Variants in RAB5B observed in about 807,000 individuals in gnomAD.
The protein encoded by RAB5B is RAB5B, member RAS oncogene family, also known as ras-related protein Rab-5B.
A neutral mutation model predicts 28.6 loss-of-function variants in RAB5B; 11 were observed. That is an observed-to-expected ratio of 0.38 (90% confidence interval 0.24 to 0.64). The LOEUF is 0.64. RAB5B is among the 30% of genes least tolerant of loss of function. The pLI is 0.53. For missense variants in RAB5B, 169 were observed against 265.6 expected, an observed-to-expected ratio of 0.64 and a Z score of 2.53; for synonymous variants, 93 against 97.9, an observed-to-expected ratio of 0.95 and a Z score of 0.29.
chr12:55,977,014 A>C lies in RAB5B; in HGVS notation c.-93+2875A>C, dbSNP rs539801816. Among the ~76,000 whole-genome samples, 16 of 152,090 alleles carry C rather than the reference A, an allele frequency of 1.1e-4. No individual in the cohort carries two copies. The South Asian group carries it at 3.3e-3, about 32-fold the overall frequency. On this transcript the variant is annotated intron_variant, in intron 1 of 5. Transcript: ENST00000360299. ...TTTTAGACGGAGTTTCACTTTTGTC[A>C]CCCAGGCTGGAGTGCAGTGGCATGA...
chr12:55,980,612 C>G (rs1198778411), intron 1 of RAB5B: 5 of 1,599,990 alleles, frequency 3.1e-6, no homozygotes, highest in Admixed American at 1.7e-5. Flanking sequence ...TCCATGCTCT[C>G]GAGCCAACTT....
At position 55,991,213 on chromosome 12, in the gene RAB5B, A is replaced by T. The variant is rs1013650304; in HGVS notation, c.439-147A>T. The T allele has an allele frequency of 1.5e-4, 90 of 605,492 alleles. No individual in the cohort carries two copies. The South Asian group carries it at 1.7e-3, about 12-fold the overall frequency. 37.5% of individuals were successfully genotyped at this position (605,492 alleles called of 1,614,324 possible). A position where few individuals can be genotyped will look rare whatever the true frequency, so the allele number is the denominator to read the frequency against. ...ATCTTGAGGGAGTTGTCATTAAATT[A>T]TGCATCTAGGCTAGCTGGCTCAAAG... On this transcript the variant is annotated intron_variant, in intron 4 of 5. Coordinates refer to ENST00000360299, the MANE Select transcript of RAB5B (RefSeq NM_002868.4).
At chr12:55,978,461 G>A (rs1047927931) in intron 1 of RAB5B, among the ~76,000 whole-genome samples, 9 of 151,786 alleles carry the variant, frequency 5.9e-5, no homozygotes, top group East Asian at 5.8e-4. Flanking sequence ...CCGAGATCGC[G>A]TCACTGCACT....
rs1363031234 is a variant in RAB5B at position 55,993,183 on chromosome 12, A to C, written c.*971A>C. 6.6e-6 allele frequency: 1 copy of C among 152,500 alleles called. No individual in the cohort carries two copies. The highest frequency in any genetic ancestry group is 1.5e-5 in the Non-Finnish European group (1 of 68,018). 9.4% of individuals were successfully genotyped at this position (152,500 alleles called of 1,614,324 possible). A position where few individuals can be genotyped will look rare whatever the true frequency, so the allele number is the denominator to read the frequency against. On this transcript the variant is annotated 3_prime_UTR_variant, in exon 6 of 6. Transcript: ENST00000360299. ...CATATACCCCTGCAGTTTGCACTTT[A>C]ATTGATGGTAGTTCAGTTGGGGTAC...
rs1454695463 is a variant in RAB5B, at chr12:55,993,693, TCCCCCCATCC to T, written c.*1483_*1492del. ...TTGAATTTAGTCCCTCCATCCTTAA[TCCCCCCATCC>T]CTCCCCATCATGCAACCAGTGGTTT... On this transcript the variant is annotated 3_prime_UTR_variant, in exon 6 of 6. Transcript: ENST00000360299. 1 of 152,478 alleles carries T rather than the reference TCCCCCCATCC, an allele frequency of 6.6e-6. No individual in the cohort carries two copies. The highest frequency in any genetic ancestry group is 6.6e-5 in the Admixed American group (1 of 15,230). 9.4% of individuals were successfully genotyped at this position (152,478 alleles called of 1,614,324 possible). A position where few individuals can be genotyped will look rare whatever the true frequency, so the allele number is the denominator to read the frequency against.
intron 1 of RAB5B, among the ~76,000 whole-genome samples, chr12:55,979,930 C>G (rs1457142581): frequency 2.0e-5 from 3 of 152,146 alleles, no homozygotes; most frequent in Non-Finnish European, 4.4e-5. Flanking sequence ...TAACACTTGA[C>G]AAGTTGACTA....
Position 55,994,830 on chromosome 12 carries a change from C to T in RAB5B, c.*2618C>T, listed in dbSNP as rs1205359451. On this transcript the variant is annotated 3_prime_UTR_variant, in exon 6 of 6. Coordinates refer to ENST00000360299, the MANE Select transcript of RAB5B (RefSeq NM_002868.4). ...AATGTTCTACTGAATCAGAAACACA[C>T]CTTTCCCTGCATCTTGATACATCTT... is the stretch of plus-strand genomic sequence containing the variant. 1 of 152,064 alleles carries T rather than the reference C, an allele frequency of 6.6e-6. No homozygotes were observed. The highest frequency in any genetic ancestry group is 2.4e-5 in the African/African-American group (1 of 41,386). 9.4% of individuals were successfully genotyped at this position (152,064 alleles called of 1,614,324 possible). A position where few individuals can be genotyped will look rare whatever the true frequency, so the allele number is the denominator to read the frequency against.
Position 55,989,929 on chromosome 12 carries a change from C to G in RAB5B, c.164-18C>G, listed in dbSNP as rs765678272. On this transcript the variant is annotated intron_variant, in intron 2 of 5. Transcript: ENST00000360299. ...CCTCCCACTTACAGCATCTTCCCCT[C>G]CATTCTCTCATCCATAGCGGCCTTC... The G allele has an allele frequency of 6.2e-7, 1 of 1,605,210 alleles. No homozygotes were observed. Among genetic ancestry groups the G allele is most frequent in the Non-Finnish European group, 8.5e-7 (1 of 1,172,052 alleles).
Position 55,992,716 on chromosome 12 carries a change from C to T in RAB5B, c.*504C>T. The T allele has an allele frequency of 2.8e-6, 1 of 357,516 alleles. No homozygotes were observed. Among genetic ancestry groups the T allele is most frequent in the Non-Finnish European group, 5.3e-6 (1 of 189,054 alleles). The allele number at this position is 357,516 out of a possible 1,614,324, so 22.1% of individuals were successfully genotyped here. A position where few individuals can be genotyped will look rare whatever the true frequency, so the allele number is the denominator to read the frequency against. ...TTAAGGGCCCTGGGGGAGAATAAAG[C>T]TCAGAGCAGGAGGGAGTAAGGAAAC... On this transcript the variant is annotated 3_prime_UTR_variant, in exon 6 of 6. Coordinates refer to ENST00000360299, the MANE Select transcript of RAB5B (RefSeq NM_002868.4).
chr12:55,974,516 G>A (rs1283914758), intron 1 of RAB5B, among the ~76,000 whole-genome samples: 1 of 152,186 alleles, frequency 6.6e-6, no homozygotes, highest in African/African-American at 2.4e-5. Flanking sequence ...AGGTGAGGAG[G>A]GTCAGACCTG....
At chr12:55,987,832 CA>C (rs111519905) in intron 2 of RAB5B, among the ~76,000 whole-genome samples, 11,196 of 116,088 alleles carry the variant, frequency 0.096, 1,344 homozygotes, top group African/African-American at 0.3. Context: ...ACTCCATCTC[CA>C]AAAAAAAAAA....
At chr12:55,982,154 A>G (rs1377372718) in intron 1 of RAB5B, among the ~76,000 whole-genome samples, 1 of 151,928 alleles carries the variant, frequency 6.6e-6, no homozygotes, top group African/African-American at 2.4e-5. Context: ...CTGAGCTAAA[A>G]AGGTTGAAAG....
chr12:55,991,508 A>G (rs1238636147), intron 5 of RAB5B, 55 bp downstream of exon 5: 5 of 1,441,108 alleles, frequency 3.5e-6, no homozygotes, highest in Non-Finnish European at 3.9e-6. Context: ...AGGCAAAATT[A>G]TAGCTAACCC....
chr12:55,989,518 C>T (rs929717828), intron 2 of RAB5B, among the ~76,000 whole-genome samples: 3 of 152,166 alleles, frequency 2.0e-5, no homozygotes, highest in Non-Finnish European at 2.9e-5. Flanking sequence ...AGGTGATCCA[C>T]CTGCCTCAGC....
At chr12:55,990,855 C>G in intron 4 of RAB5B, 51 bp downstream of exon 4, 1 of 1,596,734 alleles carries the variant, frequency 6.3e-7, no homozygotes, top group African/African-American at 1.3e-5. Context: ...TTCCTGGGAC[C>G]TCTTTTTTTC....
chr12:55,995,996 TA>T lies in RAB5B; in HGVS notation c.*3785del, dbSNP rs1304727814. ...CCATATATATATACATATATATATATATATATATTTTTTTTTTAACAACTGG... is the reference window on the plus strand; with the variant it reads ...CCATATATATATACATATATATATATTATATATTTTTTTTTTAACAACTGG... On this transcript the variant is annotated 3_prime_UTR_variant, in exon 6 of 6. Transcript: ENST00000360299. The T allele has an allele frequency of 2.0e-4, 25 of 122,452 alleles. No homozygotes were observed. The highest frequency in any genetic ancestry group is 7.5e-4 in the African/African-American group (23 of 30,846). The allele number at this position is 122,452 out of a possible 1,614,324, so 7.6% of individuals were successfully genotyped here. A position where few individuals can be genotyped will look rare whatever the true frequency, so the allele number is the denominator to read the frequency against.
chr12:55,989,907 C>G (rs1890057944), intron 2 of RAB5B, 40 bp from the exon 3 acceptor site: 1 of 1,586,668 alleles, frequency 6.3e-7, no homozygotes, highest in South Asian at 1.1e-5. Context: ...CATTCATCCT[C>G]CCACTTACAG....
intron 1 of RAB5B, among the ~76,000 whole-genome samples, chr12:55,982,544 T>C (rs1889838886): frequency 6.6e-6 from 1 of 151,942 alleles, no homozygotes; most frequent in South Asian, 2.1e-4. Flanking sequence ...TCCTCCTGCC[T>C]TGGCCTCCCA....
At chr12:55,985,645 A>G (rs1889932016) in intron 1 of RAB5B, 1 of 454,984 alleles carries the variant, frequency 2.2e-6, no homozygotes, top group Non-Finnish European at 4.4e-6. Flanking sequence ...GATTCAGTGT[A>G]TTCTTTCATC....
Sources: allele counts gnomAD v4.1 joint callset (sites outside exome capture counted in the v4.1 genomes callset), GRCh38; gene constraint gnomAD v4.1.1; transcripts MANE v1.5; gene names NCBI Gene and HGNC (gene_info 2026-07-23, HGNC 2026-07-21).